Variants in AGBL1 observed in about 807,000 individuals in gnomAD.
AGBL1 encodes the protein AGBL carboxypeptidase 1.
In AGBL1, 130 loss-of-function variants were observed where a neutral mutation model predicts 118.9. The observed-to-expected ratio is 1.09, with a 90% confidence interval of 0.95 to 1.26. The LOEUF (loss-of-function observed/expected upper bound fraction) is 1.26. Ranked by LOEUF, AGBL1 falls within the 50% of genes most tolerant of loss-of-function variation. AGBL1 has a pLI of 0.00. For missense variants in AGBL1, 1,584 were observed against 1,298.1 expected (o/e 1.22, Z -3.38); for synonymous variants, 555 against 478.9 (o/e 1.16, Z -2.08).
In AGBL1 at chr15:86,264,676, A is replaced by G. The variant is rs1306109198; in HGVS notation, c.1505A>G (p.His502Arg). The G allele has an allele frequency of 1.2e-6, 2 of 1,614,054 alleles. No homozygotes were observed. Among genetic ancestry groups the G allele is most frequent in the East Asian group, 4.5e-5 (2 of 44,886 alleles). ...VKVIDKLLQT[H>R]LKRVPFHDPY... ...GTAATAGATAAGCTTCTGCAGACAC[A>G]TCTGAAGCGTGTCCCTTTCCACGAT... The change falls in exon 11 of 23, where the codon CAT becomes CGT. Residue 502 changes from histidine (H) to arginine (R), a missense_variant. Physicochemically the swap from His to Arg is conservative, Grantham distance 29. Transcript: ENST00000614907.
chr15:86,631,373 T>C (rs973230496), intron 21 of AGBL1, among the ~76,000 whole-genome samples: 3 of 152,144 alleles, frequency 2.0e-5, no homozygotes, highest in African/African-American at 7.2e-5. Context: ...CAATTTTTAA[T>C]CTTAGCAACA....
At chr15:86,452,633 G>A (rs1398563752) in intron 18 of AGBL1, among the ~76,000 whole-genome samples, 1 of 152,180 alleles carries the variant, frequency 6.6e-6, no homozygotes, top group Non-Finnish European at 1.5e-5. Flanking sequence ...GCACAAGGAA[G>A]CTCTCAACAC....
intron 17 of AGBL1, among the ~76,000 whole-genome samples, chr15:86,352,159 G>A (rs1000457030): frequency 2.0e-5 from 3 of 152,164 alleles, no homozygotes; most frequent in Non-Finnish European, 2.9e-5. Flanking sequence ...GCCATTTCTA[G>A]ACTTGAACAG....
chr15:86,513,975 C>T (rs1187153692), intron 18 of AGBL1, among the ~76,000 whole-genome samples: 2 of 151,928 alleles, frequency 1.3e-5, no homozygotes, highest in Non-Finnish European at 1.5e-5. Flanking sequence ...TCTGCCCCAC[C>T]TCTGAAACCA....
intron 22 of AGBL1, among the ~76,000 whole-genome samples, chr15:86,849,944 T>A (rs891957146): frequency 2.0e-5 from 3 of 152,226 alleles, no homozygotes; most frequent in Non-Finnish European, 4.4e-5. Context: ...TTTTACAATT[T>A]GGAAAATAAG....
At chr15:86,404,079 A>G (rs2081487985) in intron 18 of AGBL1, among the ~76,000 whole-genome samples, 1 of 152,144 alleles carries the variant, frequency 6.6e-6, no homozygotes, top group South Asian at 2.1e-4. Context: ...GGTCTTCCCA[A>G]CCTTGGATAG....
At chr15:86,961,493 A>G (rs1297864744) in intron 23 of AGBL1, among the ~76,000 whole-genome samples, 1 of 151,986 alleles carries the variant, frequency 6.6e-6, no homozygotes, top group East Asian at 1.9e-4. Context: ...CCAGCAAACG[A>G]GACCTGGGGC....
chr15:86,819,829 G>C lies in AGBL1; in HGVS notation c.3159-87258G>C, dbSNP rs141401366. ...ATGGAATCAAAAAAGAGCCCATATA[G>C]CCAAGACAATCCTAAGCAAAAAGAA... On this transcript the variant is annotated intron_variant, in intron 22 of 22. Transcript: ENST00000614907. Among the ~76,000 whole-genome samples the C allele has an allele frequency of 6.4e-3, 973 of 152,118 alleles. 5 individuals carry two copies. The highest frequency in any genetic ancestry group is 0.012 in the Admixed American group (180 of 15,278).
intron 5 of AGBL1, among the ~76,000 whole-genome samples, chr15:86,193,938 T>C (rs978408014): frequency 6.6e-6 from 1 of 152,224 alleles, no homozygotes; most frequent in Non-Finnish European, 1.5e-5. Flanking sequence ...TAGCAGAGTA[T>C]AACCGGGGTC....
At chr15:86,120,051 G>A (rs894777626) in intron 1 of AGBL1, among the ~76,000 whole-genome samples, 2 of 151,942 alleles carry the variant, frequency 1.3e-5, no homozygotes, top group African/African-American at 2.4e-5. Context: ...TTATTCATTC[G>A]ATATACTGAA....
rs1218492308 is a variant in AGBL1, at chr15:86,213,059, C to A, written c.489-11855C>A. ...TAAATCCTGTCAATCAAGGAGTGAT[C>A]ACCAAATCATTGCAAGGCTTTGTGA... is the stretch of plus-strand genomic sequence containing the variant. On this transcript the variant is annotated intron_variant, in intron 5 of 22. Transcript: ENST00000614907. 4.6e-5 allele frequency among the ~76,000 whole-genome samples: 7 copies of A among 152,180 alleles called. No homozygotes were observed. The East Asian group carries it at 1.3e-3, about 29-fold the overall frequency.
chr15:86,674,813 C>A (rs1378655666), intron 22 of AGBL1, among the ~76,000 whole-genome samples: 1 of 152,098 alleles, frequency 6.6e-6, no homozygotes, highest in Non-Finnish European at 1.5e-5. Flanking sequence ...ATCTCATTGA[C>A]AATATCTAGG....
At chr15:86,990,548 A>G (rs1315538263) in intron 24 of AGBL1, among the ~76,000 whole-genome samples, 1 of 152,182 alleles carries the variant, frequency 6.6e-6, no homozygotes, top group African/African-American at 2.4e-5. Context: ...GGTTCTGGAC[A>G]CATGGGGAAT....
intron 3 of AGBL1, among the ~76,000 whole-genome samples, chr15:86,146,028 G>A (rs892768221): frequency 4.6e-5 from 7 of 152,084 alleles, no homozygotes; most frequent in Non-Finnish European, 8.8e-5. Context: ...TATATACCTC[G>A]GTCATAAACG....
chr15:86,865,912 C>T (rs945497597), intron 22 of AGBL1, among the ~76,000 whole-genome samples: 43 of 152,176 alleles, frequency 2.8e-4, no homozygotes, highest in African/African-American at 1.0e-3. Flanking sequence ...TGAGTTAATG[C>T]ATATGAAGTG....
intron 20 of AGBL1, among the ~76,000 whole-genome samples, chr15:86,547,236 G>A (rs2083595421): frequency 6.6e-6 from 1 of 152,090 alleles, no homozygotes; most frequent in Admixed American, 6.6e-5. Context: ...GTAAATTAAA[G>A]CATTCATCTG....
At chr15:86,702,602 C>A (rs2142650832) in intron 22 of AGBL1, among the ~76,000 whole-genome samples, 1 of 152,292 alleles carries the variant, frequency 6.6e-6, no homozygotes, top group South Asian at 2.1e-4. Context: ...CACACTGCTG[C>A]CAAATCCACT....
At chr15:86,926,517 T>C (rs868257551) in intron 23 of AGBL1, among the ~76,000 whole-genome samples, 8 of 152,150 alleles carry the variant, frequency 5.3e-5, no homozygotes, top group Non-Finnish European at 7.4e-5. Flanking sequence ...CACGATGGAT[T>C]TGACCCCCAA....
At chr15:86,964,008 A>ACTCT (rs71460234) in intron 23 of AGBL1, among the ~76,000 whole-genome samples, 11,470 of 139,388 alleles carry the variant, frequency 0.082, 1,262 homozygotes, top group African/African-American at 0.25. Flanking sequence ...GAGCCAGGAA[A>ACTCT]CTCTCTCTCT....
Sources: allele counts gnomAD v4.1 joint callset (sites outside exome capture counted in the v4.1 genomes callset), GRCh38; gene constraint gnomAD v4.1.1; transcripts MANE v1.5; gene names NCBI Gene and HGNC (gene_info 2026-07-23, HGNC 2026-07-21).